SLC17A1: variants seen among roughly 807,000 people sequenced by gnomAD.
The protein encoded by SLC17A1 is solute carrier family 17 member 1.
In SLC17A1, 51 loss-of-function variants were observed where a neutral mutation model predicts 53.5. That is an observed-to-expected ratio of 0.95 (90% CI 0.76 to 1.20). The LOEUF (loss-of-function observed/expected upper bound fraction) is 1.20. Ranked by LOEUF, SLC17A1 falls within the 50% of genes most tolerant of loss-of-function variation. The pLI is 0.00. For synonymous variants in SLC17A1, 179 were observed against 198.8 expected (o/e 0.90, Z 0.84); for missense variants, 538 against 568.2 (o/e 0.95, Z 0.54).
chr6:25,812,356 T>C (rs913218729), intron 8 of SLC17A1, among the ~76,000 whole-genome samples: 8 of 152,186 alleles, frequency 5.3e-5, no homozygotes, highest in Non-Finnish European at 2.9e-5. Flanking sequence ...GTATCAGTGA[T>C]TCTCCAAGCC....
At chr6:25,779,198 G>A (rs369396034), downstream of SLC17A1, 345 of 1,613,128 alleles carry the variant, frequency 2.1e-4, no homozygotes, top group Non-Finnish European at 2.8e-4. Context: ...AGCAAACCGA[G>A]AGATGTGCTA....
chr6:25,796,884 T>C (rs1763612453), intron 12 of SLC17A1, among the ~76,000 whole-genome samples: 1 of 152,182 alleles, frequency 6.6e-6, no homozygotes, highest in African/African-American at 2.4e-5. Context: ...GAGAACCTCA[T>C]TGCTTATCGC....
At chr6:25,776,148 C>CA in the SLC17A1 span, among the ~76,000 whole-genome samples, 63,889 of 149,924 alleles carry the variant, frequency 0.43, 16,474 homozygotes, top group South Asian at 0.6. Context: ...CAGAGCATGC[C>CA]AAAAAAAAAT....
chr6:25,811,623 C>T lies in SLC17A1; in HGVS notation c.1030+15G>A, dbSNP rs1764161150. 3 of 1,613,874 alleles carry T rather than the reference C, an allele frequency of 1.9e-6. No individual in the cohort carries two copies. The highest frequency in any genetic ancestry group is 2.5e-6 in the Non-Finnish European group (3 of 1,179,854). On this transcript the variant is annotated intron_variant, in intron 9 of 12. Transcript: ENST00000244527. ...AGTATCTCCCAAGTGCTTAAATGTT[C>T]TGGCTGTTGCTTACCTGCTGCTGTG...
chr6:25,742,527 AC>A, the SLC17A1 span, among the ~76,000 whole-genome samples: 25 of 141,818 alleles, frequency 1.8e-4, no homozygotes, highest in African/African-American at 5.7e-4. Context: ...AAAAAAAAAA[AC>A]AGATGGGTGT....
intron 11 of SLC17A1, 110 bp downstream of exon 11, chr6:25,800,780 A>G (rs1763733092): frequency 1.9e-5 from 13 of 673,760 alleles, no homozygotes; most frequent in Non-Finnish European, 3.1e-5. Flanking sequence ...ATGATGCAAA[A>G]ACTCATAAGT....
At chr6:25,738,740 T>C in the SLC17A1 span, among the ~76,000 whole-genome samples, 1 of 152,102 alleles carries the variant, frequency 6.6e-6, no homozygotes. Flanking sequence ...GAAGAAACAT[T>C]TCACTGCCAA....
chr6:25,730,582 C>CT, the SLC17A1 span, among the ~76,000 whole-genome samples: 4 of 152,080 alleles, frequency 2.6e-5, no homozygotes, highest in Admixed American at 1.3e-4. Context: ...GTACAATATG[C>CT]TGATTATAGT....
At chr6:25,739,176 G>C in the SLC17A1 span, among the ~76,000 whole-genome samples, 1 of 152,160 alleles carries the variant, frequency 6.6e-6, no homozygotes, top group African/African-American at 2.4e-5. Flanking sequence ...TCTAAGATCC[G>C]GGTGCTGGCA....
At chr6:25,727,319 C>G in the SLC17A1 span, 16 of 1,549,156 alleles carry the variant, frequency 1.0e-5, no homozygotes, top group South Asian at 2.5e-5. Flanking sequence ...TCATTTCTAA[C>G]CCAAAGGCTC....
In SLC17A1 at chr6:25,811,737, C is replaced by A. The variant is rs1764165911; in HGVS notation, c.931G>T (p.Ala311Ser). 2.5e-6 allele frequency: 4 copies of A among 1,613,708 alleles called. No individual in the cohort carries two copies. The change falls in exon 9 of 13, where the codon GCC becomes TCC. Residue 311 changes from alanine to serine, a missense_variant. Ala to Ser is a moderately conservative substitution (Grantham distance 99). Coordinates refer to ENST00000244527, the MANE Select transcript of SLC17A1 (RefSeq NM_005074.5). ...CCTGCTAGGTTACCACAGATCCAGGCAAACAAATAGGGAAGGGAAGACAAG... is the reference window on the plus strand; with the variant it reads ...CCTGCTAGGTTACCACAGATCCAGGAAAACAAATAGGGAAGGGAAGACAAG... Reference protein sequence around the residue: ...GFLSSLPYLFAWICGNLAGQL... With the variant: ...GFLSSLPYLFSWICGNLAGQL...
the SLC17A1 span, among the ~76,000 whole-genome samples, chr6:25,734,318 A>G: frequency 6.6e-6 from 1 of 152,240 alleles, no homozygotes; most frequent in South Asian, 2.1e-4. Flanking sequence ...AAAATATTGA[A>G]GAAATGTAAG....
At chr6:25,788,038 G>C (rs1173456699) in intron 12 of SLC17A1, among the ~76,000 whole-genome samples, 6 of 152,078 alleles carry the variant, frequency 3.9e-5, no homozygotes, top group African/African-American at 1.4e-4. Flanking sequence ...TATGAATCTG[G>C]TGGTTCTGTA....
chr6:25,774,368 T>C, the SLC17A1 span, among the ~76,000 whole-genome samples: 1 of 152,210 alleles, frequency 6.6e-6, no homozygotes, highest in South Asian at 2.1e-4. Context: ...AAAGCCAGTG[T>C]TATTCTTGTA....
chr6:25,778,959 G>A (rs1303854964), downstream of SLC17A1: 4 of 1,514,824 alleles, frequency 2.6e-6, no homozygotes, highest in African/African-American at 2.8e-5. Context: ...GTGGAGGTCG[G>A]GGAGGGAGCA....
At chr6:25,751,074 C>A in the SLC17A1 span, among the ~76,000 whole-genome samples, 1 of 152,156 alleles carries the variant, frequency 6.6e-6, no homozygotes, top group Admixed American at 6.5e-5. Context: ...AACTCCTGTG[C>A]AATTCTGTCT....
At position 25,826,421 on chromosome 6, in the gene SLC17A1, G is replaced by A. The variant is rs373732735; in HGVS notation, c.207+40C>T. 5.7e-4 allele frequency: 859 copies of A among 1,494,198 alleles called. 3 individuals carry two copies. The highest frequency in any genetic ancestry group is 4.9e-4 in the Non-Finnish European group (536 of 1,099,540). 92.6% of individuals were successfully genotyped at this position (1,494,198 alleles called of 1,614,324 possible). A position where few individuals can be genotyped will look rare whatever the true frequency, so the allele number is the denominator to read the frequency against. ...CTACACAAATTAGTTAGCAAGACAG[G>A]CTTTTAAACATTTGACTGTGGGGAA... On this transcript the variant is annotated intron_variant, in intron 3 of 12. Coordinates refer to ENST00000244527, the MANE Select transcript of SLC17A1 (RefSeq NM_005074.5).
intron 12 of SLC17A1, among the ~76,000 whole-genome samples, chr6:25,784,362 T>A (rs1340617106): frequency 6.6e-6 from 1 of 152,310 alleles, no homozygotes; most frequent in East Asian, 1.9e-4. Context: ...TTCTGCAGGC[T>A]GTACAAGAAG....
chr6:25,727,549 A>T, the SLC17A1 span, among the ~76,000 whole-genome samples: 1 of 149,378 alleles, frequency 6.7e-6, no homozygotes, highest in Non-Finnish European at 1.5e-5. Flanking sequence ...CCACCACTAC[A>T]CCCGGCTAAT....
Sources: allele counts gnomAD v4.1 joint callset (sites outside exome capture counted in the v4.1 genomes callset), GRCh38; gene constraint gnomAD v4.1.1; transcripts MANE v1.5; gene names NCBI Gene and HGNC (gene_info 2026-07-23, HGNC 2026-07-21).